SFMBT2: variants seen among roughly 807,000 people sequenced by gnomAD.
The protein encoded by SFMBT2 is scm-like with four MBT domains protein 2.
Under a neutral mutation model 110.1 loss-of-function variants are expected in SFMBT2, and 38 were observed. The observed-to-expected ratio is 0.35, with a 90% CI of 0.27 to 0.45. SFMBT2 has a LOEUF of 0.45. Ranked by LOEUF, SFMBT2 falls within the 20% of genes least tolerant of loss-of-function variation. SFMBT2 has a pLI of 1.00. For synonymous variants in SFMBT2, 425 were observed against 425.4 expected, an observed-to-expected ratio of 1.00 and a Z score of 0.01; for missense variants, 1,011 against 1,094.9, an observed-to-expected ratio of 0.92 and a Z score of 1.08.
intron 1 of SFMBT2, among the ~76,000 whole-genome samples, chr10:7,384,325 G>A (rs1237353276): frequency 6.6e-6 from 1 of 151,464 alleles, no homozygotes; most frequent in Non-Finnish European, 1.5e-5. Flanking sequence ...GCACCTCGGA[G>A]GAAGCGAGTG....
chr10:7,174,329 G>C (rs1837981391), intron 17 of SFMBT2, among the ~76,000 whole-genome samples: 1 of 152,224 alleles, frequency 6.6e-6, no homozygotes, highest in African/African-American at 2.4e-5. Context: ...GACAGGGCCA[G>C]GGCAGGCTGG....
intron 11 of SFMBT2, among the ~76,000 whole-genome samples, chr10:7,216,252 T>C (rs1038350702): frequency 8.5e-5 from 13 of 152,110 alleles, no homozygotes; most frequent in African/African-American, 2.9e-4. Flanking sequence ...CCAAATCTCA[T>C]CTTGAATTGT....
intron 14 of SFMBT2, 124 bp from the exon 15 acceptor site, chr10:7,197,811 G>C (rs1184377332): frequency 7.5e-7 from 1 of 1,333,022 alleles, no homozygotes; most frequent in African/African-American, 1.5e-5. Context: ...CGAGGTCTTG[G>C]CTGATGGGGA....
chr10:7,187,225 T>C (rs1838444685), intron 16 of SFMBT2, among the ~76,000 whole-genome samples: 2 of 152,202 alleles, frequency 1.3e-5, no homozygotes, highest in Non-Finnish European at 2.9e-5. Context: ...TAGGTGTACG[T>C]GGACTGTATT....
intron 16 of SFMBT2, among the ~76,000 whole-genome samples, chr10:7,184,304 C>T (rs933770576): frequency 6.6e-6 from 1 of 152,072 alleles, no homozygotes; most frequent in Non-Finnish European, 1.5e-5. Context: ...GGCAGTTTCC[C>T]CCATACTTTT....
chr10:7,400,996 G>A (rs1018016580), intron 1 of SFMBT2, among the ~76,000 whole-genome samples: 1 of 152,178 alleles, frequency 6.6e-6, no homozygotes, highest in Non-Finnish European at 1.5e-5. Flanking sequence ...AGCCAGGCAT[G>A]GTGGCACATG....
At chr10:7,377,980 G>A (rs986329102) in intron 2 of SFMBT2, among the ~76,000 whole-genome samples, 6 of 145,370 alleles carry the variant, frequency 4.1e-5, no homozygotes, top group Non-Finnish European at 9.1e-5. Context: ...TTGTGTGTGT[G>A]GGGGGGAGGT....
chr10:7,329,389 G>C (rs1843496305), intron 4 of SFMBT2: 1 of 970,382 alleles, frequency 1.0e-6, no homozygotes, highest in South Asian at 4.8e-5. Context: ...CCAGTCCTCA[G>C]CAGCCATCAG....
intron 9 of SFMBT2, among the ~76,000 whole-genome samples, chr10:7,238,684 A>C (rs1840338105): frequency 6.6e-6 from 1 of 152,222 alleles, no homozygotes; most frequent in Non-Finnish European, 1.5e-5. Flanking sequence ...AACGTAAGCC[A>C]ATTACTTCAG....
chr10:7,190,716 G>A (rs1369363754), intron 15 of SFMBT2, among the ~76,000 whole-genome samples: 1 of 152,220 alleles, frequency 6.6e-6, no homozygotes, highest in African/African-American at 2.4e-5. Context: ...CTGGAGTTCA[G>A]TTCATTATGT....
chr10:7,186,421 T>TACAC (rs765272388), intron 16 of SFMBT2, among the ~76,000 whole-genome samples: 6 of 77,448 alleles, frequency 7.7e-5, no homozygotes, highest in Non-Finnish European at 9.5e-5. Context: ...ATACATACTA[T>TACAC]ATATACACAC....
chr10:7,269,327 C>T (rs1841497656), intron 7 of SFMBT2, among the ~76,000 whole-genome samples: 2 of 152,124 alleles, frequency 1.3e-5, no homozygotes, highest in Admixed American at 6.5e-5. Flanking sequence ...GAAAGGAACA[C>T]CTACCCAGGA....
intron 16 of SFMBT2, among the ~76,000 whole-genome samples, chr10:7,179,972 T>C (rs1446809228): frequency 6.6e-6 from 1 of 152,150 alleles, no homozygotes; most frequent in African/African-American, 2.4e-5. Context: ...TTAGAAGCCA[T>C]GGCAGTGAGG....
chr10:7,225,584 T>A (rs1299986625), intron 10 of SFMBT2, among the ~76,000 whole-genome samples: 2 of 152,172 alleles, frequency 1.3e-5, no homozygotes, highest in African/African-American at 4.8e-5. Context: ...AGCATCTTGG[T>A]GGACAAATCC....
rs1845472614 is a variant in SFMBT2 at position 7,383,083 on chromosome 10, C to T, written c.-51-1134G>A. On this transcript the variant is annotated intron_variant, in intron 1 of 20. Transcript: ENST00000397167. ...ATAGAGAGAAGTTTAAATCAGCCAA[C>T]AGGAAAGTAGAGATGAAGAAACAAA... Among the ~76,000 whole-genome samples the T allele has an allele frequency of 2.6e-5, 4 of 152,150 alleles. No homozygotes were observed. In the South Asian group the frequency reaches 8.3e-4, roughly 32 times the overall value.
rs1006201515 is a variant in SFMBT2, at chr10:7,190,935, G to A, written c.1699-2202C>T. 3.3e-5 allele frequency among the ~76,000 whole-genome samples: 5 copies of A among 152,268 alleles called. No homozygotes were observed. The South Asian group carries it at 8.3e-4, about 25-fold the overall frequency. Reference sequence around the variant, plus strand: ...GGGTGGTTTCCCCCATAATGTTCTCGTGGTAGTGAATAAGTCTCATGAGAT... The same window carrying A: ...GGGTGGTTTCCCCCATAATGTTCTCATGGTAGTGAATAAGTCTCATGAGAT... On this transcript the variant is annotated intron_variant, in intron 15 of 20. Coordinates refer to ENST00000397167, the MANE Select transcript of SFMBT2 (RefSeq NM_001387889.1).
At chr10:7,317,344 C>T (rs1843044872) in intron 4 of SFMBT2, among the ~76,000 whole-genome samples, 1 of 152,030 alleles carries the variant, frequency 6.6e-6, no homozygotes, top group East Asian at 1.9e-4. Context: ...CTCTCAATTC[C>T]AAGCGAAGAC....
At chr10:7,200,014 G>A (rs542040023) in intron 14 of SFMBT2, among the ~76,000 whole-genome samples, 4 of 152,254 alleles carry the variant, frequency 2.6e-5, no homozygotes, top group South Asian at 2.1e-4. Context: ...AGCTCGGGGC[G>A]ACTTAAATAC....
At chr10:7,288,607 G>T (rs1842170508) in intron 4 of SFMBT2, among the ~76,000 whole-genome samples, 1 of 152,148 alleles carries the variant, frequency 6.6e-6, no homozygotes, top group Non-Finnish European at 1.5e-5. Flanking sequence ...AGATATACAA[G>T]CCAAATGAAC....
Sources: allele counts gnomAD v4.1 joint callset (sites outside exome capture counted in the v4.1 genomes callset), GRCh38; gene constraint gnomAD v4.1.1; transcripts MANE v1.5; gene names NCBI Gene and HGNC (gene_info 2026-07-23, HGNC 2026-07-21).